The following PRRC2C variants were observed in gnomAD, a reference collection of about 807,000 sequenced individuals.
PRRC2C encodes the protein proline rich coiled-coil 2C, also known as protein PRRC2C.
PRRC2C carries 72 observed loss-of-function variants against 317.2 expected under a neutral mutation model. That is an observed-to-expected ratio of 0.23 (90% CI 0.19 to 0.28). PRRC2C has a LOEUF of 0.28. PRRC2C is among the 10% of genes least tolerant of loss of function. The probability of loss-of-function intolerance (pLI) is 1.00; values close to 1 mark genes in which losing one functional copy is unlikely to be tolerated. For missense variants in PRRC2C, 3,074 were observed against 3,459.7 expected, an observed-to-expected ratio of 0.89 and a Z score of 2.80; for synonymous variants, 1,296 against 1,205.9, an observed-to-expected ratio of 1.07 and a Z score of -1.55.
chr1:171,569,780 T>G (rs1684421607), intron 23 of PRRC2C, among the ~76,000 whole-genome samples: 1 of 151,206 alleles, frequency 6.6e-6, no homozygotes, highest in South Asian at 2.1e-4. Flanking sequence ...TTTTAAAAAA[T>G]ACAGAATATT....
intron 25 of PRRC2C, among the ~76,000 whole-genome samples, chr1:171,577,166 C>T (rs1471753140): frequency 2.0e-5 from 3 of 152,040 alleles, no homozygotes; most frequent in Middle Eastern, 3.2e-3. Flanking sequence ...TACATAGGCT[C>T]TCAGCCTCAT....
intron 3 of PRRC2C, 97 bp from the exon 4 acceptor site, chr1:171,514,439 A>G: frequency 1.1e-6 from 1 of 918,070 alleles, no homozygotes; most frequent in Non-Finnish European, 1.6e-6. Context: ...ATAAACATAT[A>G]GCCAAAATAA....
rs377497793 is a variant in PRRC2C at position 171,587,167 on chromosome 1, C to G, written c.7914C>G (p.Phe2638Leu). Residue 2638 changes from phenylalanine (F) to leucine (L), a missense_variant, in exon 31 of 35, where the codon TTC (phenylalanine) becomes TTG (leucine). By Grantham distance (22) the Phe-to-Leu change is conservative. Transcript: ENST00000647382. ...LSRPAQVSQP[F>L]RGLIPAGTQH... ...GTCCTGCACAAGTAAGCCAGCCTTT[C>G]AGAGGATTAATTCCTGCTGGAACAC... 6 of 1,610,306 alleles carry G rather than the reference C, an allele frequency of 3.7e-6. No individual in the cohort carries two copies. Among genetic ancestry groups the G allele is most frequent in the Middle Eastern group, 1.7e-4 (1 of 6,054 alleles).
Position 171,532,380 on chromosome 1 carries a change from C to A in PRRC2C, c.1292C>A (p.Pro431Gln). The stretch of plus-strand genomic sequence containing the variant: ...GATCGACAGGCAGTACCTGGAAGAC[C>A]AGGCCCCTTTCCCTCCAAGCAGCAA... Reference protein sequence around the residue: ...PPDRQAVPGRPGPFPSKQQVA... With the variant: ...PPDRQAVPGRQGPFPSKQQVA... The change falls in exon 12 of 35, where the codon CCA becomes CAA. Residue 431 changes from proline (P) to glutamine (Q), a missense_variant. By Grantham distance (76) the Pro-to-Gln change is moderately conservative. Around this residue, in one of 11 missense-constraint regions of PRRC2C, gnomAD observed 1,320 missense variants for 1,395.7 expected, o/e 0.95. Coordinates refer to ENST00000647382, the MANE Select transcript of PRRC2C (RefSeq NM_001387844.1). 6.2e-7 allele frequency: 1 copy of A among 1,613,824 alleles called. No homozygotes were observed. The highest frequency in any genetic ancestry group is 8.5e-7 in the Non-Finnish European group (1 of 1,179,840).
intron 17 of PRRC2C, among the ~76,000 whole-genome samples, chr1:171,549,820 C>G (rs1679850248): frequency 6.6e-6 from 1 of 152,142 alleles, no homozygotes. Flanking sequence ...TCTCGGCCTC[C>G]AAAAGTGCTG....
chr1:171,552,021 A>G (rs552447958), intron 18 of PRRC2C, among the ~76,000 whole-genome samples: 56 of 152,258 alleles, frequency 3.7e-4, no homozygotes, highest in African/African-American at 9.6e-4. Flanking sequence ...AGCTTGATGG[A>G]GATGGCATTG....
intron 1 of PRRC2C, among the ~76,000 whole-genome samples, chr1:171,487,307 G>A (rs1446133058): frequency 9.2e-5 from 14 of 152,072 alleles, no homozygotes; most frequent in Admixed American, 6.6e-4. Flanking sequence ...GTATTGTGTA[G>A]GTTCAATTCC....
Position 171,576,632 on chromosome 1 carries a change from T to C in PRRC2C, c.6956-802T>C, listed in dbSNP as rs1685741222. 2.0e-5 allele frequency among the ~76,000 whole-genome samples: 3 copies of C among 152,202 alleles called. No individual in the cohort carries two copies. The South Asian group carries it at 6.2e-4, about 32-fold the overall frequency. ...AATTTGTTTTAAAGGTATTACTATATACCAGGTGGTTTTGTTTTGTTTTTG... is the reference window on the plus strand; with the variant it reads ...AATTTGTTTTAAAGGTATTACTATACACCAGGTGGTTTTGTTTTGTTTTTG... On this transcript the variant is annotated intron_variant, in intron 25 of 34. Coordinates refer to ENST00000647382, the MANE Select transcript of PRRC2C (RefSeq NM_001387844.1).
chr1:171,494,451 A>G (rs1373475191), intron 1 of PRRC2C, among the ~76,000 whole-genome samples: 2 of 152,300 alleles, frequency 1.3e-5, no homozygotes, highest in South Asian at 2.1e-4. Flanking sequence ...CTTTACTATT[A>G]TAGTGGCAAA....
At chr1:171,517,419 T>C (rs1672583486) in intron 5 of PRRC2C, among the ~76,000 whole-genome samples, 172 bp from the exon 6 acceptor site, 1 of 152,202 alleles carries the variant, frequency 6.6e-6, no homozygotes, top group Non-Finnish European at 1.5e-5. Flanking sequence ...CTCTCCACTT[T>C]GGAAGCCACT....
At chr1:171,580,009 G>A in intron 28 of PRRC2C, 45 bp downstream of exon 28, 2 of 1,406,500 alleles carry the variant, frequency 1.4e-6, no homozygotes, top group Non-Finnish European at 1.9e-6. Flanking sequence ...TGAAAACATT[G>A]TAACTGCTGA....
intron 30 of PRRC2C, among the ~76,000 whole-genome samples, chr1:171,585,726 C>T (rs951695066): frequency 4.6e-5 from 7 of 152,140 alleles, no homozygotes; most frequent in African/African-American, 1.4e-4. Flanking sequence ...CTAATTCTTT[C>T]AGTTTCTATT....
At chr1:171,567,531 T>A (rs1683912125) in intron 22 of PRRC2C, among the ~76,000 whole-genome samples, 1 of 152,234 alleles carries the variant, frequency 6.6e-6, no homozygotes, top group Non-Finnish European at 1.5e-5. Context: ...TAATAGCTTA[T>A]GTGGTCCTAC....
Position 171,525,063 on chromosome 1 carries a change from C to T in PRRC2C, c.1200+98C>T, listed in dbSNP as rs189658178. Reference sequence around the variant, plus strand: ...TAATTATTCTTACCACAGAGTGGAACGGGACTTAGAAAAAGGAAACTGTGT... The same window carrying T: ...TAATTATTCTTACCACAGAGTGGAATGGGACTTAGAAAAAGGAAACTGTGT... On this transcript the variant is annotated intron_variant, in intron 10 of 34. Coordinates refer to ENST00000647382, the MANE Select transcript of PRRC2C (RefSeq NM_001387844.1). 538 of 1,020,176 alleles carry T rather than the reference C, an allele frequency of 5.3e-4. 3 individuals are homozygous for T. In the African/African-American group the frequency reaches 7.8e-3, roughly 15 times the overall value. The allele number at this position is 1,020,176 out of a possible 1,614,324, so 63.2% of individuals were successfully genotyped here.
intron 1 of PRRC2C, among the ~76,000 whole-genome samples, chr1:171,508,926 G>C (rs147065016): frequency 6.7e-6 from 1 of 149,906 alleles, no homozygotes; most frequent in Non-Finnish European, 1.5e-5. Context: ...TTGCTCTGTC[G>C]CCCAGGCTGG....
chr1:171,487,521 T>A (rs1362880660), intron 1 of PRRC2C, among the ~76,000 whole-genome samples: 1 of 152,212 alleles, frequency 6.6e-6, no homozygotes, highest in Non-Finnish European at 1.5e-5. Context: ...GGGTAGAGGC[T>A]AATTTTTTTG....
chr1:171,592,010 CT>C lies in PRRC2C; in HGVS notation c.*164del. 1.1e-6 allele frequency: 1 copy of C among 884,148 alleles called. No individual in the cohort carries two copies. 54.8% of individuals were successfully genotyped at this position (884,148 alleles called of 1,614,324 possible). A position where few individuals can be genotyped will look rare whatever the true frequency, so the allele number is the denominator to read the frequency against. ...AGGAGCAATTTACACTGACACACAG[CT>C]GCTGTACCAGTGAAAACGAGGCTTT... On this transcript the variant is annotated 3_prime_UTR_variant, in exon 35 of 35. Coordinates refer to ENST00000647382, the MANE Select transcript of PRRC2C (RefSeq NM_001387844.1).
chr1:171,521,942 A>G (rs1355548507), intron 6 of PRRC2C, among the ~76,000 whole-genome samples: 3 of 152,114 alleles, frequency 2.0e-5, no homozygotes, highest in Non-Finnish European at 4.4e-5. Context: ...ATAATACAGA[A>G]GTTTTTCATA....
At chr1:171,511,016 G>A (rs953287230) in intron 1 of PRRC2C, 1 of 152,020 alleles carries the variant, frequency 6.6e-6, no homozygotes, top group Non-Finnish European at 1.5e-5. Context: ...TAAAACTAAC[G>A]GATGAAACGA....
Sources: gnomAD v4.1 joint callset for allele counts (sites outside exome capture counted in the v4.1 genomes callset) on GRCh38, gnomAD v4.1.1 for gene constraint, gnomAD v4.1.1 regional missense constraint, MANE v1.5 for transcripts, NCBI Gene and HGNC (gene_info 2026-07-23, HGNC 2026-07-21) for gene names.